The following MYO16 variants were observed in gnomAD, a reference collection of about 807,000 sequenced individuals.
MYO16 encodes the protein unconventional myosin-XVI.
Under a neutral mutation model 205.3 loss-of-function variants are expected in MYO16, and 94 were observed. That is an observed-to-expected ratio of 0.46 (90% CI 0.39 to 0.54). MYO16 has a LOEUF of 0.54. Among genes scored for constraint, MYO16 ranks in the 20% least tolerant of loss-of-function variants. MYO16 has a pLI of 0.00. For missense variants in MYO16, 2,315 were observed against 2,387.5 expected (o/e 0.97, Z 0.63); for synonymous variants, 988 against 954.0 (o/e 1.04, Z -0.66).
At chr13:108,638,611 A>G (rs981198966) in intron 1 of MYO16, among the ~76,000 whole-genome samples, 6 of 152,070 alleles carry the variant, frequency 3.9e-5, no homozygotes, top group African/African-American at 1.4e-4. Context: ...TCCTTGTAAC[A>G]CTGACTTGTT....
intron 31 of MYO16, among the ~76,000 whole-genome samples, chr13:109,128,569 G>C (rs1001656642): frequency 6.6e-6 from 1 of 151,768 alleles, no homozygotes. Context: ...GACTGAAGCA[G>C]TAAGTCCATC....
rs1362897796 is a variant in MYO16, at chr13:109,206,918, C to T, written c.*82C>T. The T allele has an allele frequency of 1.4e-5, 18 of 1,242,252 alleles. No homozygotes were observed. Among genetic ancestry groups the T allele is most frequent in the East Asian group, 5.1e-5 (2 of 39,582 alleles). The allele number at this position is 1,242,252 out of a possible 1,614,324, so 77.0% of individuals were successfully genotyped here. The stretch of plus-strand genomic sequence containing the variant: ...CAACAGAAGGCTGCCTTCTGACATG[C>T]GCTGGGGCTTCTCTCCACGCATTTA... On this transcript the variant is annotated 3_prime_UTR_variant, in exon 35 of 35. Transcript: ENST00000457511.
At chr13:108,627,086 G>T (rs1306256406), upstream of MYO16, among the ~76,000 whole-genome samples, 1 of 150,528 alleles carries the variant, frequency 6.6e-6, no homozygotes, top group Non-Finnish European at 1.5e-5. Context: ...TCAACTTCAA[G>T]TTACCATTTT....
At chr13:108,912,458 T>A (rs892671644) in intron 16 of MYO16, among the ~76,000 whole-genome samples, 11 of 152,064 alleles carry the variant, frequency 7.2e-5, no homozygotes, top group African/African-American at 1.9e-4. Context: ...GCAAAAGTGA[T>A]AGAAATATAA....
chr13:108,795,070 G>C (rs1446183070), intron 6 of MYO16, among the ~76,000 whole-genome samples: 1 of 151,980 alleles, frequency 6.6e-6, no homozygotes, highest in Non-Finnish European at 1.5e-5. Context: ...ATGACTTAGA[G>C]TTACGTTGTT....
the MYO16 span, among the ~76,000 whole-genome samples, chr13:108,584,799 C>T: frequency 6.6e-6 from 1 of 152,086 alleles, no homozygotes; most frequent in Non-Finnish European, 1.5e-5. Context: ...TTTTGATGTG[C>T]AACAATGATT....
chr13:108,697,996 T>C (rs1403367653), intron 2 of MYO16, among the ~76,000 whole-genome samples: 3 of 152,202 alleles, frequency 2.0e-5, no homozygotes, highest in Non-Finnish European at 4.4e-5. Flanking sequence ...GTGCTGGGAT[T>C]ACAGGTGTGA....
At chr13:108,508,491 G>T in the MYO16 span, among the ~76,000 whole-genome samples, 1 of 148,348 alleles carries the variant, frequency 6.7e-6, no homozygotes, top group Admixed American at 6.7e-5. Context: ...CAAGCCAACC[G>T]TTCTCTTTTG....
At chr13:108,644,658 T>TC (rs552976020) in intron 1 of MYO16, among the ~76,000 whole-genome samples, 69 of 152,284 alleles carry the variant, frequency 4.5e-4, no homozygotes, top group African/African-American at 1.4e-3. Flanking sequence ...TCTTTTTTTT[T>TC]CTCATTTTCT....
chr13:108,929,776 A>G (rs992279073), intron 16 of MYO16, among the ~76,000 whole-genome samples: 3 of 152,170 alleles, frequency 2.0e-5, no homozygotes, highest in Non-Finnish European at 2.9e-5. Flanking sequence ...ATCCTGGCAC[A>G]GAGAAACCCA....
intron 34 of MYO16, among the ~76,000 whole-genome samples, chr13:109,203,659 A>C: frequency 6.6e-6 from 1 of 152,108 alleles, no homozygotes; most frequent in East Asian, 1.9e-4. Context: ...CCTGTGTTTC[A>C]GAGCTCCCAG....
chr13:108,669,024 G>A (rs1881866038), intron 2 of MYO16, among the ~76,000 whole-genome samples: 1 of 151,980 alleles, frequency 6.6e-6, no homozygotes, highest in African/African-American at 2.4e-5. Flanking sequence ...CATCCTGGCT[G>A]GAGACGTAAA....
At chr13:109,112,763 G>A (rs572253235) in intron 28 of MYO16, among the ~76,000 whole-genome samples, 2 of 152,108 alleles carry the variant, frequency 1.3e-5, no homozygotes, top group African/African-American at 4.8e-5. Context: ...AATAATTTTT[G>A]TAGACAAATG....
At chr13:109,109,982 A>G (rs1185756640) in intron 28 of MYO16, among the ~76,000 whole-genome samples, 2 of 152,234 alleles carry the variant, frequency 1.3e-5, no homozygotes, top group East Asian at 3.8e-4. Context: ...AGCACACATC[A>G]AAATATGTAA....
chr13:108,973,111 C>T (rs868033834), intron 20 of MYO16, among the ~76,000 whole-genome samples: 1 of 151,814 alleles, frequency 6.6e-6, no homozygotes, highest in Admixed American at 6.6e-5. Flanking sequence ...TGTCTTTCAC[C>T]GAGAAGCAAG....
chr13:108,660,484 T>C (rs1174490774), intron 1 of MYO16, among the ~76,000 whole-genome samples: 1 of 152,232 alleles, frequency 6.6e-6, no homozygotes, highest in Non-Finnish European at 1.5e-5. Context: ...TTTAGGATTG[T>C]GATATTTTCC....
At position 109,141,562 on chromosome 13, in the gene MYO16, A is replaced by C. The variant is rs1354568723; in HGVS notation, c.5164+186A>C. The stretch of plus-strand genomic sequence containing the variant: ...CACTGTGACCAAATAGGTAGGAATT[A>C]ATATTTCCATATTGCAGAATATGAT... On this transcript the variant is annotated intron_variant, in intron 32 of 34. Coordinates refer to ENST00000457511, the MANE Select transcript of MYO16 (RefSeq NM_001198950.3). This position sits in a 1 kb window ranked among gnomAD's most constrained non-coding sequence, Gnocchi z 4.1. 1.3e-5 allele frequency among the ~76,000 whole-genome samples: 2 copies of C among 152,204 alleles called. No individual in the cohort carries two copies. Among genetic ancestry groups the C allele is most frequent in the Non-Finnish European group, 2.9e-5 (2 of 68,032 alleles).
chr13:109,013,108 T>TCCCCCCCCCCCCCCCCCCCCCCCC (rs1177754621), intron 22 of MYO16, among the ~76,000 whole-genome samples: 1 of 32,612 alleles, frequency 3.1e-5, no homozygotes, highest in Admixed American at 3.5e-4. Flanking sequence ...ATGCTACCCC[T>TCCCCCCCCCCCCCCCCCCCCCCCC]CCCCCACCCC....
chr13:108,937,286 C>G (rs575492149), intron 16 of MYO16, among the ~76,000 whole-genome samples: 15 of 151,826 alleles, frequency 9.9e-5, no homozygotes, highest in Non-Finnish European at 1.8e-4. Flanking sequence ...CTCTAGCTGG[C>G]TTTCAGATTT....
Sources: allele counts gnomAD v4.1 joint callset (sites outside exome capture counted in the v4.1 genomes callset), GRCh38; gene constraint gnomAD v4.1.1; non-coding constraint Gnocchi (gnomAD v3.1); transcripts MANE v1.5; gene names NCBI Gene and HGNC (gene_info 2026-07-23, HGNC 2026-07-21).